Variants in GFRA3 observed in about 807,000 individuals in gnomAD.
GFRA3 encodes GDNF family receptor alpha 3.
Under a neutral mutation model 40.0 loss-of-function variants are expected in GFRA3, and 24 were observed. The ratio of observed to expected loss-of-function variants is 0.60; its 90% CI spans 0.43 to 0.84. The LOEUF is 0.84. Among genes scored for constraint, GFRA3 ranks in the 40% least tolerant of loss-of-function variants. The pLI is 0.00. For missense variants in GFRA3, 405 were observed against 530.6 expected (o/e 0.76, Z 2.33); for synonymous variants, 203 against 213.5 (o/e 0.95, Z 0.43).
At chr5:138,272,326 A>G (rs910610732) in intron 1 of GFRA3, among the ~76,000 whole-genome samples, 1 of 150,898 alleles carries the variant, frequency 6.6e-6, no homozygotes, top group Admixed American at 6.6e-5. Context: ...TAAAGTTGTA[A>G]TTAGTGGCCA....
intron 3 of GFRA3, among the ~76,000 whole-genome samples, chr5:138,258,480 C>T (rs115535251): frequency 0.014 from 2,101 of 152,230 alleles, 43 homozygotes; most frequent in Non-Finnish European, 0.02. Context: ...CCGCGCCCGG[C>T]ACAACTCCTC....
At chr5:138,259,962 C>G (rs1755687757) in intron 2 of GFRA3, among the ~76,000 whole-genome samples, 1 of 152,102 alleles carries the variant, frequency 6.6e-6, no homozygotes, top group African/African-American at 2.4e-5. Flanking sequence ...GCTCAGCACA[C>G]AGTGTAGGGA....
At chr5:138,257,036 A>G (rs964355197) in intron 4 of GFRA3, among the ~76,000 whole-genome samples, 1 of 152,096 alleles carries the variant, frequency 6.6e-6, no homozygotes, top group Non-Finnish European at 1.5e-5. Flanking sequence ...GGTACTCTAC[A>G]CCACTCTACA....
Position 138,259,560 on chromosome 5 carries a change from GT to G in GFRA3, c.468del (p.Lys156AsnfsTer123). ...KMNLSKLNML[K>X]PDSDLCLKFA... ...CGAGCCTAGTTGCCCTCCACACCTG[GT>G]TTGAGCATGTTCAGTTTGCTGAGAT... is the stretch of plus-strand genomic sequence containing the variant. On this transcript the variant is annotated frameshift_variant, in exon 3 of 8. Coordinates refer to ENST00000274721, the MANE Select transcript of GFRA3 (RefSeq NM_001496.4). LOFTEE classifies it high-confidence loss of function. 2 of 1,472,068 alleles carry G rather than the reference GT, an allele frequency of 1.4e-6. No individual in the cohort carries two copies. Among genetic ancestry groups the G allele is most frequent in the Non-Finnish European group, 1.9e-6 (2 of 1,050,202 alleles). The allele number at this position is 1,472,068 out of a possible 1,614,324, so 91.2% of individuals were successfully genotyped here.
intron 2 of GFRA3, among the ~76,000 whole-genome samples, chr5:138,262,791 T>C (rs548319653): frequency 6.6e-6 from 1 of 152,064 alleles, no homozygotes; most frequent in African/African-American, 2.4e-5. Context: ...TTGTTGTGGT[T>C]ATCCTGACCC....
chr5:138,255,025 GGA>G (rs1262215974), intron 4 of GFRA3, among the ~76,000 whole-genome samples: 2 of 75,284 alleles, frequency 2.7e-5, no homozygotes, highest in African/African-American at 6.7e-5. Context: ...GAGAGAGAGA[GGA>G]AGGAAGGAAG....
intron 3 of GFRA3, 33 bp from the exon 4 acceptor site, chr5:138,257,984 G>C (rs759306576): frequency 1.3e-6 from 2 of 1,585,310 alleles, no homozygotes; most frequent in Admixed American, 3.3e-5. Context: ...CAGTCGGCTG[G>C]GCCCTCTGCA....
At chr5:138,268,334 GAAGAT>G (rs1223837893) in intron 1 of GFRA3, among the ~76,000 whole-genome samples, 1 of 50,818 alleles carries the variant, frequency 2.0e-5, no homozygotes, top group African/African-American at 6.8e-5. Context: ...AAAAATTATA[GAAGAT>G]AACATTGGAA....
At position 138,264,386 on chromosome 5, in the gene GFRA3, T is replaced by C. The variant is rs377648791; in HGVS notation, c.254A>G (p.Asp85Gly). ...GAGTTGCTGTGCTGCCTCCAGGCAG[T>C]CAGCAGGGACCGAAGGCTCCTCTGA... ...LPSEEPSVPA[D>G]CLEAAQQLRN... The change falls in exon 2 of 8, where the codon GAC (aspartate) becomes GGC (glycine). Residue 85 changes from aspartate to glycine, a missense_variant. Asp to Gly is a moderately conservative substitution (Grantham distance 94, BLOSUM62 -1). Transcript: ENST00000274721. 1.9e-6 allele frequency: 3 copies of C among 1,613,682 alleles called. No homozygotes were observed. Among genetic ancestry groups the C allele is most frequent in the Non-Finnish European group, 2.5e-6 (3 of 1,179,620 alleles).
chr5:138,263,048 T>C (rs1390784158), intron 2 of GFRA3, among the ~76,000 whole-genome samples: 2 of 152,196 alleles, frequency 1.3e-5, no homozygotes, highest in Non-Finnish European at 2.9e-5. Flanking sequence ...CACTGCAACC[T>C]CTGCTTCCCG....
chr5:138,273,197 C>G (rs1192847493), intron 1 of GFRA3, among the ~76,000 whole-genome samples: 1 of 152,148 alleles, frequency 6.6e-6, no homozygotes, highest in Non-Finnish European at 1.5e-5. Flanking sequence ...TGATATTTTC[C>G]ACCCCCAAAG....
chr5:138,266,391 T>C (rs1023823074), intron 1 of GFRA3, among the ~76,000 whole-genome samples: 3 of 152,234 alleles, frequency 2.0e-5, no homozygotes, highest in Admixed American at 6.5e-5. Flanking sequence ...TGGTATCTCA[T>C]TGAGGCTTTC....
At chr5:138,272,821 T>C (rs1233106651) in intron 1 of GFRA3, among the ~76,000 whole-genome samples, 1 of 152,148 alleles carries the variant, frequency 6.6e-6, no homozygotes, top group Non-Finnish European at 1.5e-5. Context: ...TCCTCATTTA[T>C]ACAGCCACTG....
At chr5:138,272,169 C>A (rs2126622629) in intron 1 of GFRA3, among the ~76,000 whole-genome samples, 1 of 151,122 alleles carries the variant, frequency 6.6e-6, no homozygotes, top group East Asian at 2.0e-4. Context: ...GCATGCCTGG[C>A]TAATTTTTTC....
At chr5:138,266,985 CTTCAT>C (rs1203551433) in intron 1 of GFRA3, 2 of 152,754 alleles carry the variant, frequency 1.3e-5, no homozygotes, top group African/African-American at 4.8e-5. Flanking sequence ...CCCAGCCTGT[CTTCAT>C]TTCTTTTACT....
intron 2 of GFRA3, among the ~76,000 whole-genome samples, chr5:138,260,225 G>C (rs114801866): frequency 6.6e-6 from 1 of 152,158 alleles, no homozygotes; most frequent in Non-Finnish European, 1.5e-5. Context: ...TCTGTGGATT[G>C]TGAGCTGAAG....
chr5:138,259,126 T>C (rs980093358), intron 3 of GFRA3, among the ~76,000 whole-genome samples: 2 of 152,320 alleles, frequency 1.3e-5, no homozygotes, highest in Non-Finnish European at 2.9e-5. Flanking sequence ...AGTCACACTC[T>C]CTTTTCCTGC....
At chr5:138,264,576 A>G (rs774743275) in intron 1 of GFRA3, 28 bp from the exon 2 acceptor site, 15 of 1,501,862 alleles carry the variant, frequency 1.0e-5, no homozygotes, top group South Asian at 7.5e-5. Flanking sequence ...AGGTGAGGCT[A>G]CGTAAGATTA....
At chr5:138,254,186 T>G in intron 4 of GFRA3, 26 bp from the exon 5 acceptor site, 1 of 1,311,130 alleles carries the variant, frequency 7.6e-7, no homozygotes. Flanking sequence ...TTTCTGTCTT[T>G]CTTTTTTTTT....
Sources: allele counts gnomAD v4.1 joint callset (sites outside exome capture counted in the v4.1 genomes callset), GRCh38; gene constraint gnomAD v4.1.1; transcripts MANE v1.5; gene names NCBI Gene and HGNC (gene_info 2026-07-23, HGNC 2026-07-21).